The following ZSCAN25 variants were observed in gnomAD, a reference collection of about 807,000 sequenced individuals.
ZSCAN25 encodes zinc finger and SCAN domain containing 25, also known as zinc finger and SCAN domain-containing protein 25.
A neutral mutation model predicts 38.7 loss-of-function variants in ZSCAN25; 27 were observed. The ratio of observed to expected loss-of-function variants is 0.70; its 90% CI spans 0.51 to 0.96. The LOEUF (loss-of-function observed/expected upper bound fraction) is 0.96. ZSCAN25 is among the 40% of genes least tolerant of loss of function. ZSCAN25 has a pLI of 0.00. For synonymous variants in ZSCAN25, 273 were observed against 277.7 expected, an observed-to-expected ratio of 0.98 and a Z score of 0.17; for missense variants, 637 against 705.9, an observed-to-expected ratio of 0.90 and a Z score of 1.11.
At chr7:99,676,982 A>G in the ZSCAN25 span, among the ~76,000 whole-genome samples, 1 of 152,138 alleles carries the variant, frequency 6.6e-6, no homozygotes, top group Non-Finnish European at 1.5e-5. Context: ...ACCAGCAACT[A>G]ATACTTCTCA....
chr7:99,736,418 A>G, the ZSCAN25 span, among the ~76,000 whole-genome samples: 1 of 152,134 alleles, frequency 6.6e-6, no homozygotes, highest in African/African-American at 2.4e-5. Flanking sequence ...ATGGGAGGAG[A>G]GCAGGTGCCA....
In ZSCAN25 at chr7:99,619,852, G is replaced by A; in HGVS notation, c.246G>A (p.Leu82=). 1 of 1,614,238 alleles carries A rather than the reference G, an allele frequency of 6.2e-7. No homozygotes were observed. Among genetic ancestry groups the A allele is most frequent in the Non-Finnish European group, 8.5e-7 (1 of 1,180,036 alleles). The change falls in exon 4 of 8, where the codon CTG becomes CTA. Residue 82 remains leucine, a synonymous_variant. Coordinates refer to ENST00000394152, the MANE Select transcript of ZSCAN25 (RefSeq NM_145115.3). The stretch of plus-strand genomic sequence containing the variant: ...AGTTGCACACCAAGGAGCAGATCCT[G>A]GAGCTGCTGGTGCTGGAGCAGTTCC... The part of the protein sequence containing the change: ...RPELHTKEQI[L]ELLVLEQFLT...
the ZSCAN25 span, among the ~76,000 whole-genome samples, chr7:99,658,254 A>G: frequency 1.3e-5 from 2 of 152,068 alleles, no homozygotes; most frequent in Non-Finnish European, 2.9e-5. Context: ...GCTTCCTTCA[A>G]GAGCTCTTTT....
chr7:99,693,690 C>G, the ZSCAN25 span, among the ~76,000 whole-genome samples: 1 of 152,256 alleles, frequency 6.6e-6, no homozygotes, highest in Non-Finnish European at 1.5e-5. Flanking sequence ...GTGAGCAAGT[C>G]TCCGTGGGTG....
chr7:99,645,082 C>T, the ZSCAN25 span, among the ~76,000 whole-genome samples: 1 of 152,200 alleles, frequency 6.6e-6, no homozygotes, highest in East Asian at 1.9e-4. Flanking sequence ...CCTCCGCCTC[C>T]TGGGTTCAAG....
At chr7:99,665,120 A>G in the ZSCAN25 span, 1 of 1,457,198 alleles carries the variant, frequency 6.9e-7, no homozygotes, top group Non-Finnish European at 9.4e-7. Context: ...TATGTCAAGA[A>G]AGCAGTTATT....
At chr7:99,714,286 G>C in the ZSCAN25 span, among the ~76,000 whole-genome samples, 1 of 152,102 alleles carries the variant, frequency 6.6e-6, no homozygotes, top group Non-Finnish European at 1.5e-5. Context: ...CTGTGATAAG[G>C]TTTTATCTGA....
intron 6 of ZSCAN25, among the ~76,000 whole-genome samples, chr7:99,623,523 A>G (rs1295046669): frequency 6.6e-6 from 1 of 152,248 alleles, no homozygotes; most frequent in Non-Finnish European, 1.5e-5. Context: ...GGTGTTTGGC[A>G]GAAAAAAGAA....
In ZSCAN25 at chr7:99,619,690, A is replaced by G. The variant is rs778364953; in HGVS notation, c.84A>G (p.Pro28=). The change falls in exon 4 of 8, where the codon CCA becomes CCG. Residue 28 remains proline, a synonymous_variant. Transcript: ENST00000394152. ...IPVVKLEKEL[P]WGRGREDPSP... ...TGGTGAAACTGGAGAAAGAGTTGCC[A>G]TGGGGCAGAGGAAGGGAGGACCCTA... 12 of 1,614,142 alleles carry G rather than the reference A, an allele frequency of 7.4e-6. No individual in the cohort carries two copies. The Admixed American group carries it at 8.3e-5, about 11-fold the overall frequency.
Position 99,630,182 on chromosome 7 carries a change from A to G in ZSCAN25, c.*162A>G. 1.4e-6 allele frequency: 2 copies of G among 1,402,914 alleles called. No individual in the cohort carries two copies. Among genetic ancestry groups the G allele is most frequent in the South Asian group, 1.7e-5 (1 of 58,844 alleles). 86.9% of individuals were successfully genotyped at this position (1,402,914 alleles called of 1,614,324 possible). ...GGCTTACTTAGAGCTTCCAGAGAGC[A>G]TAGCTGCTTCCATCTCTTACCCAAG... On this transcript the variant is annotated 3_prime_UTR_variant, in exon 8 of 8. Transcript: ENST00000394152.
At chr7:99,734,051 C>T in the ZSCAN25 span, among the ~76,000 whole-genome samples, 1 of 152,128 alleles carries the variant, frequency 6.6e-6, no homozygotes, top group Non-Finnish European at 1.5e-5. Context: ...TCAGAAGGAA[C>T]ATGCTGGAAA....
At chr7:99,618,442 C>T (rs1309959134) in intron 1 of ZSCAN25, 83 bp from the exon 2 acceptor site, 1 of 152,148 alleles carries the variant, frequency 6.6e-6, no homozygotes, top group East Asian at 1.9e-4. Flanking sequence ...CACATGCTTT[C>T]TAAAGAGTAA....
At chr7:99,736,660 G>T in the ZSCAN25 span, among the ~76,000 whole-genome samples, 2 of 152,158 alleles carry the variant, frequency 1.3e-5, no homozygotes, top group East Asian at 1.9e-4. Context: ...AGCTGTGCTT[G>T]TTCACTTCCT....
intron 1 of ZSCAN25, 107 bp from the exon 2 acceptor site, chr7:99,618,418 A>G (rs903300235): frequency 6.6e-6 from 1 of 152,190 alleles, no homozygotes; most frequent in African/African-American, 2.4e-5. Context: ...TAAGTATTAG[A>G]TGAAATATGT....
chr7:99,658,665 C>T, the ZSCAN25 span, among the ~76,000 whole-genome samples: 1 of 152,200 alleles, frequency 6.6e-6, no homozygotes, highest in African/African-American at 2.4e-5. Flanking sequence ...TGGATAATAT[C>T]CTGCAGAGTG....
rs1359640166 is a variant in ZSCAN25, at chr7:99,631,906, T to G, written c.*1886T>G. 1.0e-6 allele frequency: 1 copy of G among 985,462 alleles called. No homozygotes were observed. Among genetic ancestry groups the G allele is most frequent in the East Asian group, 1.1e-4 (1 of 8,816 alleles). The allele number at this position is 985,462 out of a possible 1,614,324, so 61.0% of individuals were successfully genotyped here. ...TGCAAAATCAGCTTTTTTTCCCCCG[T>G]AATTATCAGAGCAGCTAGGCAGGGC... On this transcript the variant is annotated 3_prime_UTR_variant, in exon 8 of 8. Transcript: ENST00000394152.
the ZSCAN25 span, among the ~76,000 whole-genome samples, chr7:99,656,418 C>G: frequency 6.6e-6 from 1 of 152,096 alleles, no homozygotes; most frequent in African/African-American, 2.4e-5. Context: ...GCCTTGCATC[C>G]CAGGGATGAA....
At chr7:99,617,308 A>C (rs1806551265) in intron 1 of ZSCAN25, among the ~76,000 whole-genome samples, 1 of 152,250 alleles carries the variant, frequency 6.6e-6, no homozygotes, top group Non-Finnish European at 1.5e-5. Context: ...GAACCCGAAG[A>C]GATCTTGAAC....
At chr7:99,705,452 T>C in the ZSCAN25 span, 1 of 1,597,194 alleles carries the variant, frequency 6.3e-7, no homozygotes, top group South Asian at 1.1e-5. Flanking sequence ...TCTCTGGTGT[T>C]CTGGGGCACA....
Sources: allele counts gnomAD v4.1 joint callset (sites outside exome capture counted in the v4.1 genomes callset), GRCh38; gene constraint gnomAD v4.1.1; transcripts MANE v1.5; gene names NCBI Gene and HGNC (gene_info 2026-07-23, HGNC 2026-07-21).